RGS7: variants seen among roughly 807,000 people sequenced by gnomAD.
RGS7 encodes regulator of G-protein signaling 7.
In RGS7, 27 loss-of-function variants were observed where a neutral mutation model predicts 81.1. The observed-to-expected ratio is 0.33, with a 90% CI of 0.25 to 0.46. The LOEUF is 0.46. Among genes scored for constraint, RGS7 ranks in the 20% least tolerant of loss-of-function variants. RGS7 has a pLI of 1.00. For synonymous variants in RGS7, 208 were observed against 207.7 expected (o/e 1.00, Z -0.01); for missense variants, 396 against 607.4 (o/e 0.65, Z 3.66).
At chr1:240,863,181 T>A (rs546431599) in intron 9 of RGS7, among the ~76,000 whole-genome samples, 5 of 152,110 alleles carry the variant, frequency 3.3e-5, no homozygotes, top group South Asian at 2.1e-4. Context: ...TTATATATTT[T>A]AAAAATTTTA....
intron 6 of RGS7, among the ~76,000 whole-genome samples, chr1:240,883,804 G>A (rs989644871): frequency 2.6e-5 from 4 of 152,138 alleles, no homozygotes; most frequent in Non-Finnish European, 4.4e-5. Context: ...CCCTGGGCAT[G>A]GTGGCTCATG....
chr1:240,966,018 T>C (rs6676722), intron 4 of RGS7, among the ~76,000 whole-genome samples: 2,320 of 152,290 alleles, frequency 0.015, 71 homozygotes, highest in African/African-American at 0.053. Context: ...CTCTTCGTCG[T>C]ATACCCGACT....
intron 2 of RGS7, among the ~76,000 whole-genome samples, chr1:241,298,707 A>G (rs868828040): frequency 6.6e-6 from 1 of 152,138 alleles, no homozygotes; most frequent in East Asian, 1.9e-4. Flanking sequence ...ATCCTCCCCA[A>G]ATAAGTCTTA....
At chr1:241,070,180 G>A (rs1192572304) in intron 3 of RGS7, among the ~76,000 whole-genome samples, 1 of 152,194 alleles carries the variant, frequency 6.6e-6, no homozygotes, top group Non-Finnish European at 1.5e-5. Flanking sequence ...AACATGAGTA[G>A]AAGAAAGCTC....
chr1:241,064,595 C>A (rs772404863), intron 3 of RGS7, among the ~76,000 whole-genome samples: 3 of 151,624 alleles, frequency 2.0e-5, no homozygotes, highest in Non-Finnish European at 2.9e-5. Context: ...ACAACAACAA[C>A]AAAAAATACC....
intron 2 of RGS7, among the ~76,000 whole-genome samples, chr1:241,282,210 C>T (rs986041604): frequency 1.3e-5 from 2 of 152,202 alleles, no homozygotes; most frequent in Non-Finnish European, 2.9e-5. Context: ...CCCATGCATA[C>T]ACCATGTTTA....
intron 2 of RGS7, among the ~76,000 whole-genome samples, chr1:241,319,245 C>A (rs2081070008): frequency 6.6e-6 from 1 of 152,056 alleles, no homozygotes; most frequent in African/African-American, 2.4e-5. Context: ...CAATAAAAGC[C>A]ATTAAATCAT....
At chr1:240,781,293 C>T (rs1055797650) in intron 18 of RGS7, among the ~76,000 whole-genome samples, 3 of 152,184 alleles carry the variant, frequency 2.0e-5, no homozygotes, top group Non-Finnish European at 2.9e-5. Context: ...AGAAAACATA[C>T]AGGTGTATTT....
chr1:241,276,161 G>T (rs2078184739), intron 2 of RGS7, among the ~76,000 whole-genome samples: 2 of 152,172 alleles, frequency 1.3e-5, no homozygotes, highest in South Asian at 4.1e-4. Flanking sequence ...AGTGAGCTTT[G>T]TCCTAAAGAA....
chr1:241,226,248 G>A (rs10926434), intron 2 of RGS7, among the ~76,000 whole-genome samples: 14,307 of 152,196 alleles, frequency 0.094, 824 homozygotes, highest in East Asian at 0.2. Flanking sequence ...TAAAATGTCC[G>A]CGGGAATATT....
At chr1:241,186,087 A>G (rs1367664660) in intron 2 of RGS7, among the ~76,000 whole-genome samples, 1 of 152,206 alleles carries the variant, frequency 6.6e-6, no homozygotes, top group Non-Finnish European at 1.5e-5. Context: ...AGATTGACCA[A>G]GATAAACAGA....
rs367610102 is a variant in RGS7, at chr1:241,149,929, C to T, written c.79-51167G>A. Reference sequence around the variant, plus strand: ...TAGCTGGGATTACGGGTGTGTGCCACCATGCCCGGCTAATTTTTTGTATTA... The same window carrying T: ...TAGCTGGGATTACGGGTGTGTGCCATCATGCCCGGCTAATTTTTTGTATTA... On this transcript the variant is annotated intron_variant, in intron 2 of 18. Transcript: ENST00000440928. 3.3e-5 allele frequency among the ~76,000 whole-genome samples: 5 copies of T among 152,234 alleles called. No individual in the cohort carries two copies. In the East Asian group the frequency reaches 9.7e-4, roughly 29 times the overall value.
At chr1:240,862,926 T>C (rs1318900326) in intron 9 of RGS7, among the ~76,000 whole-genome samples, 1 of 103,760 alleles carries the variant, frequency 9.6e-6, no homozygotes, top group Non-Finnish European at 1.6e-5. Context: ...AAACTAAATA[T>C]GTGTGTGTGT....
At chr1:241,074,189 T>G (rs769000113) in intron 3 of RGS7, among the ~76,000 whole-genome samples, 1 of 152,210 alleles carries the variant, frequency 6.6e-6, no homozygotes, top group African/African-American at 2.4e-5. Context: ...TGAGCCATCA[T>G]GCCCTCCTGT....
intron 6 of RGS7, among the ~76,000 whole-genome samples, chr1:240,870,805 C>T (rs115709287): frequency 0.048 from 7,243 of 152,266 alleles, 225 homozygotes; most frequent in Non-Finnish European, 0.071. Flanking sequence ...GCACATTCAA[C>T]GATGTCCAGA....
At chr1:240,933,130 C>G (rs370428424) in intron 5 of RGS7, among the ~76,000 whole-genome samples, 1 of 151,428 alleles carries the variant, frequency 6.6e-6, no homozygotes. Context: ...GATCTGCCCC[C>G]CTCGGCCCCA....
chr1:241,163,703 C>CAAGATGCAGA lies in RGS7; in HGVS notation c.79-64942_79-64941insTCTGCATCTT, dbSNP rs561437610. ...CAAGCCCCCATTCTTTCTGCAACCT[C>CAAGATGCAGA]AAGATGGTACATAAGCTTCTGAACC... On this transcript the variant is annotated intron_variant, in intron 2 of 18. Transcript: ENST00000440928. This position sits in a 1 kb window ranked among gnomAD's most constrained non-coding sequence, Gnocchi z 4.6. Among the ~76,000 whole-genome samples, 14 of 152,302 alleles carry CAAGATGCAGA rather than the reference C, an allele frequency of 9.2e-5. No individual in the cohort carries two copies. In the South Asian group the frequency reaches 2.5e-3, roughly 27 times the overall value.
rs375110352 is a variant in RGS7, at chr1:240,833,268, G to T, written c.610-6096C>A. The stretch of plus-strand genomic sequence containing the variant: ...CAGCGTGGATCTGCTGGACAAAGGG[G>T]TGACTCATGTTCCAGGTGGGGCAGA... On this transcript the variant is annotated intron_variant, in intron 9 of 18. Transcript: ENST00000440928. Among the ~76,000 whole-genome samples the T allele has an allele frequency of 5.3e-5, 8 of 152,290 alleles. 1 individual carries two copies. The East Asian group carries it at 1.5e-3, about 29-fold the overall frequency.
chr1:241,155,872 T>C (rs1445057370), intron 2 of RGS7, among the ~76,000 whole-genome samples: 4 of 152,294 alleles, frequency 2.6e-5, no homozygotes, highest in Non-Finnish European at 4.4e-5. Flanking sequence ...AGGCTGAGAA[T>C]CAGAAATCCT....
Sources: allele counts gnomAD v4.1 joint callset (sites outside exome capture counted in the v4.1 genomes callset), GRCh38; gene constraint gnomAD v4.1.1; non-coding constraint Gnocchi (gnomAD v3.1); transcripts MANE v1.5; gene names NCBI Gene and HGNC (gene_info 2026-07-23, HGNC 2026-07-21).